CETN3: variants seen among roughly 807,000 people sequenced by gnomAD.
CETN3 encodes centrin 3.
CETN3 carries 17 observed loss-of-function variants against 20.1 expected under a neutral mutation model. The observed-to-expected ratio is 0.85, with a 90% confidence interval of 0.58 to 1.27. The LOEUF is 1.27. Among genes scored for constraint, CETN3 ranks in the 50% most tolerant of loss-of-function variants. The pLI, the probability that CETN3 is intolerant of heterozygous loss-of-function variation, is 0.00. For synonymous variants in CETN3, 52 were observed against 59.7 expected, an observed-to-expected ratio of 0.87 and a Z score of 0.59; for missense variants, 169 against 191.2, an observed-to-expected ratio of 0.88 and a Z score of 0.69.
At position 90,394,905 on chromosome 5, in the gene CETN3, G is replaced by A. The variant is rs137871507; in HGVS notation, c.461-798C>T. ...ATAATTTTGAAAACCCGACATATGC[G>A]CACGTATCAATTAAGAAAAATGTTC... On this transcript the variant is annotated intron_variant, in intron 4 of 4. Coordinates refer to ENST00000283122, the MANE Select transcript of CETN3 (RefSeq NM_004365.4). Among the ~76,000 whole-genome samples the A allele has an allele frequency of 7.9e-5, 12 of 152,050 alleles. No individual in the cohort carries two copies. In the East Asian group the frequency reaches 9.7e-4, roughly 12 times the overall value.
chr5:90,408,800 CAA>C (rs74585512), intron 1 of CETN3, among the ~76,000 whole-genome samples: 19 of 96,222 alleles, frequency 2.0e-4, no homozygotes, highest in Non-Finnish European at 2.2e-4. Flanking sequence ...CTGAAAGCTC[CAA>C]AAAAAAAAAA....
rs375254401 is a variant in CETN3 at position 90,401,520 on chromosome 5, C to A, written c.269-1971G>T. Among the ~76,000 whole-genome samples, 23 of 152,214 alleles carry A rather than the reference C, an allele frequency of 1.5e-4. No homozygotes were observed. In the East Asian group the frequency reaches 1.7e-3, roughly 11 times the overall value. On this transcript the variant is annotated intron_variant, in intron 3 of 4. Transcript: ENST00000283122. Reference sequence around the variant, plus strand: ...ACTTCATCAAAATACTTTCTTAGACCTTTAATGTGTAAAAATCACTTAAGA... The same window carrying A: ...ACTTCATCAAAATACTTTCTTAGACATTTAATGTGTAAAAATCACTTAAGA...
At chr5:90,401,441 T>C (rs1295655075) in intron 3 of CETN3, among the ~76,000 whole-genome samples, 1 of 152,188 alleles carries the variant, frequency 6.6e-6, no homozygotes, top group African/African-American at 2.4e-5. Flanking sequence ...TCCAAATTTC[T>C]GTCCATGCAA....
At chr5:90,395,770 A>G (rs1239769245) in intron 4 of CETN3, 8 of 588,496 alleles carry the variant, frequency 1.4e-5, no homozygotes, top group Non-Finnish European at 1.7e-5. Context: ...TCATTGTACT[A>G]GTCTGACAAT....
chr5:90,405,712 T>A lies in CETN3; in HGVS notation c.241A>T (p.Ile81Phe), dbSNP rs753229428. 1 of 1,611,014 alleles carries A rather than the reference T, an allele frequency of 6.2e-7. No homozygotes were observed. The highest frequency in any genetic ancestry group is 8.5e-7 in the Non-Finnish European group (1 of 1,177,442). Residue 81 changes from isoleucine (I) to phenylalanine (F), a missense_variant, in exon 3 of 5, where the codon ATC (isoleucine) becomes TTC (phenylalanine). Physicochemically the swap from Ile to Phe is conservative, Grantham distance 21 (BLOSUM62 0). Transcript: ENST00000283122. ...KDYDREATGK[I>F]TFEDFNEVVT... ...ACTTCATTAAAATCTTCAAAGGTGA[T>A]TTTCCCTGTGGCTTCTCTGTCATAA...
intron 4 of CETN3, among the ~76,000 whole-genome samples, chr5:90,398,289 A>T (rs565954071): frequency 6.6e-6 from 1 of 152,314 alleles, no homozygotes; most frequent in African/African-American, 2.4e-5. Context: ...TAGCAGTTTA[A>T]CATACAAATA....
chr5:90,396,145 G>A (rs755316672), intron 4 of CETN3: 1 of 982,476 alleles, frequency 1.0e-6, no homozygotes, highest in African/African-American at 1.8e-5. Flanking sequence ...GAGCTGGGGT[G>A]GGAGAATACC....
At chr5:90,396,689 G>T in intron 4 of CETN3, 1 of 633,794 alleles carries the variant, frequency 1.6e-6, no homozygotes, top group African/African-American at 1.9e-5. Context: ...TAAAGATCTA[G>T]AACTTTTTCT....
In CETN3 at chr5:90,399,475, AATC is replaced by A. The variant is rs1749224533; in HGVS notation, c.340_342del (p.Asp114del). On this transcript the variant is annotated inframe_deletion, in exon 4 of 5. Transcript: ENST00000283122. ...AAATTCCTCAAGCTTATTTTACCTG[AATC>A]ATCATCATCAAATAGTTTAAATGCC... 1 of 1,613,716 alleles carries A rather than the reference AATC, an allele frequency of 6.2e-7. No individual in the cohort carries two copies. The highest frequency in any genetic ancestry group is 1.3e-5 in the African/African-American group (1 of 74,894).
chr5:90,397,654 G>A (rs1371020009), intron 4 of CETN3, among the ~76,000 whole-genome samples: 1 of 152,086 alleles, frequency 6.6e-6, no homozygotes, highest in South Asian at 2.1e-4. Flanking sequence ...CATAAACATA[G>A]AAGTCTAGTT....
chr5:90,409,168 A>T (rs1334267263), intron 1 of CETN3, among the ~76,000 whole-genome samples: 1 of 152,222 alleles, frequency 6.6e-6, no homozygotes. Context: ...AAAGTCACTA[A>T]AATGGGTCTC....
In CETN3 at chr5:90,409,633, C is replaced by T. The variant is rs755908600; in HGVS notation, c.17+12G>A. ...GGGGTGTGGAGAGCACTGCCGCCTC[C>T]TTATTACCGACCTCAGAGCTAAACT... is the stretch of plus-strand genomic sequence containing the variant. On this transcript the variant is annotated intron_variant, in intron 1 of 4. Transcript: ENST00000283122. 6.2e-7 allele frequency: 1 copy of T among 1,614,152 alleles called. No homozygotes were observed. The highest frequency in any genetic ancestry group is 1.1e-5 in the South Asian group (1 of 91,088).
At chr5:90,399,063 C>G (rs1461490210) in intron 4 of CETN3, 5 of 527,232 alleles carry the variant, frequency 9.5e-6, no homozygotes, top group African/African-American at 1.9e-5. Flanking sequence ...ATCAATAGAA[C>G]TTAGAACTTA....
Position 90,407,685 on chromosome 5 carries a change from A to C in CETN3, c.153+14T>G. 1 of 1,431,290 alleles carries C rather than the reference A, an allele frequency of 7.0e-7. No individual in the cohort carries two copies. The highest frequency in any genetic ancestry group is 9.4e-7 in the Non-Finnish European group (1 of 1,065,406). 88.7% of individuals were successfully genotyped at this position (1,431,290 alleles called of 1,614,324 possible). A position where few individuals can be genotyped will look rare whatever the true frequency, so the allele number is the denominator to read the frequency against. ...TTTTAACACAGAAACAAATATTTTA[A>C]AGTATACCATTACCTTTAATTCATG... is the stretch of plus-strand genomic sequence containing the variant. On this transcript the variant is annotated intron_variant, in intron 2 of 4. Coordinates refer to ENST00000283122, the MANE Select transcript of CETN3 (RefSeq NM_004365.4).
In CETN3 at chr5:90,393,306, T is replaced by C. The variant is rs1749060503; in HGVS notation, c.*758A>G. The C allele has an allele frequency of 6.6e-6, 1 of 152,172 alleles. No homozygotes were observed. The highest frequency in any genetic ancestry group is 2.1e-4 in the South Asian group (1 of 4,830). 9.4% of individuals were successfully genotyped at this position (152,172 alleles called of 1,614,324 possible). On this transcript the variant is annotated 3_prime_UTR_variant, in exon 5 of 5. Coordinates refer to ENST00000283122, the MANE Select transcript of CETN3 (RefSeq NM_004365.4). ...GATAATTACCTTAACAAATCAAAAT[T>C]CCAAAATTTAAATCTCTCAGTCAAG...
Position 90,399,476 on chromosome 5 carries a change from A to G in CETN3, c.342T>C (p.Asp114=). 1 of 1,613,592 alleles carries G rather than the reference A, an allele frequency of 6.2e-7. No homozygotes were observed. Among genetic ancestry groups the G allele is most frequent in the East Asian group, 2.2e-5 (1 of 44,842 alleles). ...LKAFKLFDDD[D]SGKISLRNLR... ...AATTCCTCAAGCTTATTTTACCTGA[A>G]TCATCATCATCAAATAGTTTAAATG... Residue 114 remains aspartate (D), a synonymous_variant, in exon 4 of 5, where the codon GAT becomes GAC. Coordinates refer to ENST00000283122, the MANE Select transcript of CETN3 (RefSeq NM_004365.4).
Position 90,393,794 on chromosome 5 carries a change from A to T in CETN3, c.*270T>A, listed in dbSNP as rs1003155565. The T allele has an allele frequency of 4.2e-6, 1 of 237,412 alleles. No homozygotes were observed. The highest frequency in any genetic ancestry group is 8.0e-6 in the Non-Finnish European group (1 of 124,252). The allele number at this position is 237,412 out of a possible 1,614,324, so 14.7% of individuals were successfully genotyped here. On this transcript the variant is annotated 3_prime_UTR_variant, in exon 5 of 5. Coordinates refer to ENST00000283122, the MANE Select transcript of CETN3 (RefSeq NM_004365.4). ...AAAAAGTGACTATAAATGTTAAATT[A>T]AAAAACCTTCAAAGAACACATATCA...
At position 90,393,532 on chromosome 5, in the gene CETN3, G is replaced by A. The variant is rs549186226; in HGVS notation, c.*532C>T. The A allele has an allele frequency of 5.9e-5, 9 of 152,380 alleles. No homozygotes were observed. The highest frequency in any genetic ancestry group is 1.9e-4 in the African/African-American group (8 of 41,530). The allele number at this position is 152,380 out of a possible 1,614,324, so 9.4% of individuals were successfully genotyped here. ...AATTAGGCTTATATTGAGTCAGCTTGTATTAAAATATAGAATGTCAAAATT... is the reference window on the plus strand; with the variant it reads ...AATTAGGCTTATATTGAGTCAGCTTATATTAAAATATAGAATGTCAAAATT... On this transcript the variant is annotated 3_prime_UTR_variant, in exon 5 of 5. Coordinates refer to ENST00000283122, the MANE Select transcript of CETN3 (RefSeq NM_004365.4).
chr5:90,396,509 C>G (rs1356056034), intron 4 of CETN3: 62 of 1,533,282 alleles, frequency 4.0e-5, no homozygotes, highest in Non-Finnish European at 5.3e-5. Flanking sequence ...TGAAGAACTC[C>G]CGATTTAGAC....
Sources: gnomAD v4.1 joint callset for allele counts (sites outside exome capture counted in the v4.1 genomes callset) on GRCh38, gnomAD v4.1.1 for gene constraint, MANE v1.5 for transcripts, NCBI Gene and HGNC (gene_info 2026-07-23, HGNC 2026-07-21) for gene names.